Variants in KCNQ5 observed in about 807,000 individuals in gnomAD.
The protein encoded by KCNQ5 is potassium voltage-gated channel subfamily KQT member 5.
In KCNQ5, 30 loss-of-function variants were observed where a neutral mutation model predicts 98.2. The observed-to-expected ratio is 0.31, with a 90% CI of 0.23 to 0.41. The LOEUF (loss-of-function observed/expected upper bound fraction) is 0.41. Ranked by LOEUF, KCNQ5 falls within the 10% of genes least tolerant of loss-of-function variation. The probability of loss-of-function intolerance (pLI) is 1.00; values close to 1 mark genes in which losing one functional copy is unlikely to be tolerated. For missense variants in KCNQ5, 835 were observed against 1,182.5 expected (o/e 0.71, Z 4.31); for synonymous variants, 458 against 449.4 (o/e 1.02, Z -0.24).
chr6:72,792,522 T>C (rs1470068820), intron 1 of KCNQ5, among the ~76,000 whole-genome samples: 2 of 152,330 alleles, frequency 1.3e-5, no homozygotes, highest in African/African-American at 4.8e-5. Flanking sequence ...CACAAAGTCA[T>C]AAAACAGAGC....
chr6:72,845,734 T>G (rs1447411431), intron 1 of KCNQ5, among the ~76,000 whole-genome samples: 1 of 152,236 alleles, frequency 6.6e-6, no homozygotes, highest in Non-Finnish European at 1.5e-5. Context: ...AATAAGCATA[T>G]TAAAGTGGTG....
chr6:73,181,637 C>T (rs1778407304), intron 11 of KCNQ5, among the ~76,000 whole-genome samples: 1 of 152,206 alleles, frequency 6.6e-6, no homozygotes. Context: ...TACTATGTGC[C>T]AGGCACATGT....
At chr6:72,930,786 T>C (rs564690398) in intron 1 of KCNQ5, among the ~76,000 whole-genome samples, 1 of 152,240 alleles carries the variant, frequency 6.6e-6, no homozygotes, top group South Asian at 2.1e-4. Context: ...TCGCACCAGC[T>C]GTGGAAGTGA....
chr6:73,055,489 C>A, intron 3 of KCNQ5: 1 of 1,550,368 alleles, frequency 6.5e-7, no homozygotes, highest in Non-Finnish European at 8.9e-7. Flanking sequence ...CTTTCTACAG[C>A]AACATCAGTA....
At chr6:72,800,989 G>A (rs924399882) in intron 1 of KCNQ5, among the ~76,000 whole-genome samples, 3 of 152,012 alleles carry the variant, frequency 2.0e-5, no homozygotes, top group African/African-American at 4.8e-5. Flanking sequence ...TGGTCTGAGA[G>A]ACAGTTTGTT....
intron 2 of KCNQ5, among the ~76,000 whole-genome samples, chr6:73,022,022 A>G (rs188597406): frequency 6.6e-6 from 1 of 152,332 alleles, no homozygotes; most frequent in African/African-American, 2.4e-5. Flanking sequence ...ATAATCATGC[A>G]CATTAAAGAA....
chr6:73,095,829 T>G (rs979590361), intron 5 of KCNQ5, among the ~76,000 whole-genome samples: 1 of 152,194 alleles, frequency 6.6e-6, no homozygotes, highest in African/African-American at 2.4e-5. Context: ...GTCTCCTAGG[T>G]CCTTCAGGAG....
rs908825318 is a variant in KCNQ5 at position 72,941,452 on chromosome 6, C to A, written c.399-62456C>A. ...CCTCCTTCCCTCCCTCTCTTCATTCCTTCCTTCCTTCTTCCTTCCCTCCTT... is the reference window on the plus strand; with the variant it reads ...CCTCCTTCCCTCCCTCTCTTCATTCATTCCTTCCTTCTTCCTTCCCTCCTT... On this transcript the variant is annotated intron_variant, in intron 1 of 13. Transcript: ENST00000370398. 2.4e-5 allele frequency among the ~76,000 whole-genome samples: 3 copies of A among 122,494 alleles called. No homozygotes were observed. The East Asian group carries it at 7.1e-4, about 29-fold the overall frequency. 80.4% of individuals were successfully genotyped at this position (122,494 alleles called of 152,430 possible). A position where few individuals can be genotyped will look rare whatever the true frequency, so the allele number is the denominator to read the frequency against.
intron 1 of KCNQ5, among the ~76,000 whole-genome samples, chr6:72,998,857 C>T (rs1378941976): frequency 6.6e-6 from 1 of 152,164 alleles, no homozygotes; most frequent in Non-Finnish European, 1.5e-5. Context: ...GCAGAGAGCA[C>T]CTGCTAGGTG....
chr6:72,797,644 G>T (rs1054250517), intron 1 of KCNQ5, among the ~76,000 whole-genome samples: 2 of 152,076 alleles, frequency 1.3e-5, no homozygotes, highest in African/African-American at 4.8e-5. Context: ...TTAGCCAATT[G>T]AGGTTTTAAT....
chr6:73,062,721 G>T (rs1772837027), intron 3 of KCNQ5, among the ~76,000 whole-genome samples: 1 of 152,182 alleles, frequency 6.6e-6, no homozygotes, highest in Admixed American at 6.5e-5. Flanking sequence ...ATGGGAACAT[G>T]ATTATATTTT....
At chr6:72,896,268 C>T (rs1370048095) in intron 1 of KCNQ5, among the ~76,000 whole-genome samples, 8 of 151,932 alleles carry the variant, frequency 5.3e-5, no homozygotes, top group South Asian at 4.1e-4. Flanking sequence ...TATAAAAGCA[C>T]GTTGGAAATG....
At chr6:73,068,156 C>A (rs1051680929) in intron 3 of KCNQ5, among the ~76,000 whole-genome samples, 1 of 151,964 alleles carries the variant, frequency 6.6e-6, no homozygotes, top group Non-Finnish European at 1.5e-5. Context: ...ATTAGTTGGG[C>A]ATGGTGGCGG....
intron 3 of KCNQ5, among the ~76,000 whole-genome samples, chr6:73,047,594 G>A (rs1290831432): frequency 6.6e-6 from 1 of 152,170 alleles, no homozygotes; most frequent in Non-Finnish European, 1.5e-5. Flanking sequence ...TATTTCCGAA[G>A]AGGAAAATGA....
chr6:72,837,171 T>C (rs1008537450), intron 1 of KCNQ5, among the ~76,000 whole-genome samples: 1 of 152,228 alleles, frequency 6.6e-6, no homozygotes, highest in African/African-American at 2.4e-5. Context: ...ATTCATTTGT[T>C]CATTCATTCA....
chr6:72,655,043 T>C (rs1157817909), intron 1 of KCNQ5, among the ~76,000 whole-genome samples: 1 of 142,830 alleles, frequency 7.0e-6, no homozygotes, highest in Non-Finnish European at 1.5e-5. Context: ...TTTCTTTCTT[T>C]CTTTCTTTCT....
chr6:72,739,026 A>G (rs960110080), intron 1 of KCNQ5, among the ~76,000 whole-genome samples: 1 of 152,126 alleles, frequency 6.6e-6, no homozygotes, highest in South Asian at 2.1e-4. Context: ...CCAAGATTGA[A>G]CCCTAATGTA....
chr6:72,763,488 TA>T (rs1281028813), intron 1 of KCNQ5, among the ~76,000 whole-genome samples: 1 of 152,128 alleles, frequency 6.6e-6, no homozygotes, highest in Non-Finnish European at 1.5e-5. Context: ...CATAAGTGTA[TA>T]AAATGTCAAT....
intron 10 of KCNQ5, among the ~76,000 whole-genome samples, chr6:73,166,313 G>T (rs936538577): frequency 6.6e-6 from 1 of 150,908 alleles, no homozygotes; most frequent in African/African-American, 2.4e-5. Flanking sequence ...GCGGGCACCT[G>T]TAGTCCCAGC....
Sources: gnomAD v4.1 joint callset for allele counts (sites outside exome capture counted in the v4.1 genomes callset) on GRCh38, gnomAD v4.1.1 for gene constraint, MANE v1.5 for transcripts, NCBI Gene and HGNC (gene_info 2026-07-23, HGNC 2026-07-21) for gene names.